Variants in LPP observed in about 807,000 individuals in gnomAD.
LPP encodes LIM domain containing preferred translocation partner in lipoma.
A neutral mutation model predicts 60.4 loss-of-function variants in LPP; 38 were observed. The ratio of observed to expected loss-of-function variants is 0.63; its 90% CI spans 0.49 to 0.83. The LOEUF is 0.83. Ranked by LOEUF, LPP falls within the 40% of genes least tolerant of loss-of-function variation. The pLI, the probability that LPP is intolerant of heterozygous loss-of-function variation, is 0.00. For missense variants in LPP, 902 were observed against 783.6 expected, an observed-to-expected ratio of 1.15 and a Z score of -1.80; for synonymous variants, 328 against 290.8, an observed-to-expected ratio of 1.13 and a Z score of -1.30.
intron 7 of LPP, among the ~76,000 whole-genome samples, chr3:188,707,685 G>T (rs1234075524): frequency 6.6e-6 from 1 of 152,086 alleles, no homozygotes; most frequent in Non-Finnish European, 1.5e-5. Context: ...TTTATATGTG[G>T]TCCCGAAGTA....
At chr3:188,515,523 A>C (rs1236821529) in intron 5 of LPP, among the ~76,000 whole-genome samples, 6 of 152,202 alleles carry the variant, frequency 3.9e-5, no homozygotes, top group African/African-American at 1.2e-4. Context: ...GTGCTTTATC[A>C]TGAAAAACTC....
intron 7 of LPP, among the ~76,000 whole-genome samples, chr3:188,699,768 C>T (rs993874830): frequency 2.6e-5 from 4 of 152,162 alleles, no homozygotes; most frequent in African/African-American, 9.7e-5. Flanking sequence ...GTGGCCATCG[C>T]TTTTAACCTG....
intron 7 of LPP, among the ~76,000 whole-genome samples, chr3:188,624,979 T>C (rs1018702056): frequency 6.6e-5 from 10 of 152,044 alleles, no homozygotes; most frequent in Non-Finnish European, 1.2e-4. Context: ...TCTATTTCCT[T>C]TAGCAAGATG....
At chr3:188,810,212 T>TA (rs1750500580) in intron 9 of LPP, among the ~76,000 whole-genome samples, 1 of 152,132 alleles carries the variant, frequency 6.6e-6, no homozygotes, top group South Asian at 2.1e-4. Flanking sequence ...TTTTTTCTGT[T>TA]ACCAATAGTA....
intron 9 of LPP, among the ~76,000 whole-genome samples, chr3:188,789,068 C>G (rs1742833155): frequency 6.6e-6 from 1 of 151,322 alleles, no homozygotes; most frequent in Non-Finnish European, 1.5e-5. Flanking sequence ...TGTGTTACCT[C>G]ATCCATAGTG....
intron 8 of LPP, among the ~76,000 whole-genome samples, chr3:188,745,966 C>T (rs1216651097): frequency 6.6e-6 from 1 of 152,188 alleles, no homozygotes; most frequent in East Asian, 1.9e-4. Flanking sequence ...TTCTGACTCT[C>T]ATCCCGTTGC....
intron 2 of LPP, among the ~76,000 whole-genome samples, chr3:188,274,285 C>A (rs6790437): frequency 0.69 from 105,480 of 152,164 alleles, 37,318 homozygotes; most frequent in African/African-American, 0.82. Flanking sequence ...GGAACATGCT[C>A]TGTGTTTCTG....
In LPP at chr3:188,707,402, C is replaced by G. The variant is rs529451808; in HGVS notation, c.1114-865C>G. ...ATATGGAGTCTTTGATCCCTGCCCCCCTGCCCAACCTGGCCGCGCCAAAGC... is the reference window on the plus strand; with the variant it reads ...ATATGGAGTCTTTGATCCCTGCCCCGCTGCCCAACCTGGCCGCGCCAAAGC... On this transcript the variant is annotated intron_variant, in intron 7 of 11. Transcript: ENST00000617246. Among the ~76,000 whole-genome samples the G allele has an allele frequency of 1.1e-4, 16 of 152,276 alleles. No homozygotes were observed. The East Asian group carries it at 2.9e-3, about 28-fold the overall frequency.
At chr3:188,376,764 A>G (rs1459693573) in intron 3 of LPP, among the ~76,000 whole-genome samples, 2 of 152,178 alleles carry the variant, frequency 1.3e-5, no homozygotes, top group East Asian at 1.9e-4. Context: ...TTAGCTGGTT[A>G]TTTTGCTCGC....
chr3:188,380,577 G>C (rs1193429813), intron 3 of LPP, among the ~76,000 whole-genome samples: 2 of 152,248 alleles, frequency 1.3e-5, no homozygotes, highest in Non-Finnish European at 2.9e-5. Context: ...TTGTAGCCAA[G>C]AGAAATCCCT....
intron 6 of LPP, among the ~76,000 whole-genome samples, chr3:188,590,281 A>T (rs1181742709): frequency 6.6e-6 from 1 of 152,176 alleles, no homozygotes; most frequent in Admixed American, 6.5e-5. Flanking sequence ...TTTAAAAAAG[A>T]TGTATTCTTG....
intron 2 of LPP, among the ~76,000 whole-genome samples, chr3:188,233,707 A>G (rs1425172219): frequency 6.6e-6 from 1 of 152,160 alleles, no homozygotes; most frequent in Non-Finnish European, 1.5e-5. Flanking sequence ...GAATGGAGAT[A>G]TATTCTTTAC....
At chr3:188,199,479 T>TAG (rs747840707) in intron 1 of LPP, among the ~76,000 whole-genome samples, 2 of 151,444 alleles carry the variant, frequency 1.3e-5, no homozygotes, top group Non-Finnish European at 2.9e-5. Context: ...TGCACGGAGG[T>TAG]AGAGCCACAG....
intron 2 of LPP, among the ~76,000 whole-genome samples, chr3:188,315,471 T>G (rs760216497): frequency 1.3e-5 from 2 of 152,140 alleles, no homozygotes; most frequent in Non-Finnish European, 2.9e-5. Context: ...GGCTCTTAAT[T>G]TCCATATTTT....
chr3:188,697,190 A>T (rs115315941), intron 7 of LPP, among the ~76,000 whole-genome samples: 4,931 of 152,288 alleles, frequency 0.032, 135 homozygotes, highest in South Asian at 0.1. Context: ...TTGTTATTGA[A>T]CAAAACACAT....
rs376598771 is a variant in LPP at position 188,875,292 on chromosome 3, C to T, written c.*813C>T. ...ATTACCTTAAGATTTTTCTTTTCCG[C>T]ACTACCTGAACATTGTAATACAGAC... On this transcript the variant is annotated 3_prime_UTR_variant, in exon 12 of 12. Transcript: ENST00000617246. 4.6e-6 allele frequency: 1 copy of T among 218,672 alleles called. No individual in the cohort carries two copies. Among genetic ancestry groups the T allele is most frequent in the Non-Finnish European group, 9.2e-6 (1 of 109,056 alleles). 13.5% of individuals were successfully genotyped at this position (218,672 alleles called of 1,614,324 possible).
chr3:188,313,212 A>G (rs902072088), intron 2 of LPP, among the ~76,000 whole-genome samples: 7 of 152,064 alleles, frequency 4.6e-5, no homozygotes, highest in Non-Finnish European at 7.4e-5. Context: ...TGTCATTATT[A>G]TGCTTTCAAT....
chr3:188,677,011 A>G (rs9682162), intron 7 of LPP, among the ~76,000 whole-genome samples: 4,748 of 152,262 alleles, frequency 0.031, 243 homozygotes, highest in African/African-American at 0.11. Flanking sequence ...AGTAGCTGAC[A>G]AGAAACTGAA....
intron 4 of LPP, among the ~76,000 whole-genome samples, chr3:188,477,421 C>T (rs1003554473): frequency 1.3e-5 from 2 of 152,172 alleles, no homozygotes; most frequent in Non-Finnish European, 1.5e-5. Context: ...GAAAAGGTTT[C>T]GTCTCTAATA....
Sources: gnomAD v4.1 joint callset for allele counts (sites outside exome capture counted in the v4.1 genomes callset) on GRCh38, gnomAD v4.1.1 for gene constraint, MANE v1.5 for transcripts, NCBI Gene and HGNC (gene_info 2026-07-23, HGNC 2026-07-21) for gene names.